Variants in ATP6V1H observed in about 807,000 individuals in gnomAD.
ATP6V1H encodes the protein V-type proton ATPase subunit H.
ATP6V1H carries 39 observed loss-of-function variants against 71.7 expected under a neutral mutation model. The observed-to-expected ratio is 0.54, with a 90% CI of 0.42 to 0.71. The LOEUF (loss-of-function observed/expected upper bound fraction) is 0.71, where lower values mean the gene tolerates loss of function less well. ATP6V1H is among the 30% of genes least tolerant of loss of function. The pLI, the probability that ATP6V1H is intolerant of heterozygous loss-of-function variation, is 0.00. For missense variants in ATP6V1H, 509 were observed against 594.9 expected (o/e 0.86, Z 1.50); for synonymous variants, 192 against 199.3 (o/e 0.96, Z 0.31).
chr8:53,741,243 ATCTG>A (rs1047295444), intron 13 of ATP6V1H, among the ~76,000 whole-genome samples: 2 of 152,212 alleles, frequency 1.3e-5, no homozygotes, highest in Non-Finnish European at 2.9e-5. Flanking sequence ...ATACATGATC[ATCTG>A]AACAACAAAA....
At chr8:53,821,488 C>A (rs77048508) in intron 4 of ATP6V1H, among the ~76,000 whole-genome samples, 8,751 of 152,132 alleles carry the variant, frequency 0.058, 757 homozygotes, top group African/African-American at 0.19. Context: ...CGAGACCAGC[C>A]TGGGCAACAT....
chr8:53,767,101 C>T (rs370200162), intron 11 of ATP6V1H, among the ~76,000 whole-genome samples: 171 of 152,278 alleles, frequency 1.1e-3, no homozygotes, highest in African/African-American at 3.7e-3. Context: ...AAATTTCTCT[C>T]TTTTGTACTC....
At position 53,812,663 on chromosome 8, in the gene ATP6V1H, C is replaced by T. The variant is rs558046485; in HGVS notation, c.526-1446G>A. On this transcript the variant is annotated intron_variant, in intron 6 of 13. Transcript: ENST00000359530. ...TATTACCACTATACCTGAAAGCTAA[C>T]ATTACCCAGAATGAAGTTTTGTTTT... is the stretch of plus-strand genomic sequence containing the variant. 1.2e-4 allele frequency among the ~76,000 whole-genome samples: 19 copies of T among 152,296 alleles called. No homozygotes were observed. The South Asian group carries it at 3.7e-3, about 30-fold the overall frequency.
intron 13 of ATP6V1H, among the ~76,000 whole-genome samples, chr8:53,741,410 AAAT>A (rs1283191836): frequency 1.3e-5 from 2 of 152,226 alleles, no homozygotes; most frequent in Non-Finnish European, 2.9e-5. Flanking sequence ...TACGCTAATA[AAAT>A]AATAACTGTA....
intron 3 of ATP6V1H, among the ~76,000 whole-genome samples, chr8:53,831,121 T>C (rs554044104): frequency 6.6e-6 from 1 of 152,262 alleles, no homozygotes; most frequent in Non-Finnish European, 1.5e-5. Flanking sequence ...TATAAACACT[T>C]CCATAGAAAA....
intron 13 of ATP6V1H, among the ~76,000 whole-genome samples, chr8:53,720,989 T>G (rs1806591193): frequency 6.6e-6 from 1 of 152,248 alleles, no homozygotes; most frequent in Admixed American, 6.5e-5. Flanking sequence ...TTACGTTTCT[T>G]AATCTTTACC....
At chr8:53,801,343 A>C (rs1441190906) in intron 8 of ATP6V1H, among the ~76,000 whole-genome samples, 1 of 152,214 alleles carries the variant, frequency 6.6e-6, no homozygotes, top group African/African-American at 2.4e-5. Context: ...ATTGTTTTGG[A>C]GGTTTTCAGG....
chr8:53,780,533 C>CT (rs930999532), intron 9 of ATP6V1H, among the ~76,000 whole-genome samples: 2 of 150,830 alleles, frequency 1.3e-5, no homozygotes, highest in Non-Finnish European at 3.0e-5. Flanking sequence ...ATTTTTTTTT[C>CT]TTTTTTTTAA....
In ATP6V1H at chr8:53,755,720, ATATATATATATATATATATATATATTTT is replaced by A. The variant is rs1563451149; in HGVS notation, c.1277+807_1277+834del. ...TATATATATATATATATATATATAT[ATATATATATATATATATATATATATTTT>A]TTTTTTTTTTTTTTTTTTTTTTTTT... On this transcript the variant is annotated intron_variant, in intron 12 of 13. Transcript: ENST00000359530. Among the ~76,000 whole-genome samples, 38 of 5,410 alleles carry A rather than the reference ATATATATATATATATATATATATATTTT, an allele frequency of 7.0e-3. 1 individual carries two copies. Among genetic ancestry groups the A allele is most frequent in the African/African-American group, 0.036 (35 of 968 alleles). 3.5% of individuals were successfully genotyped at this position (5,410 alleles called of 152,430 possible).
chr8:53,805,377 G>A (rs1325897350), intron 7 of ATP6V1H, among the ~76,000 whole-genome samples: 1 of 152,154 alleles, frequency 6.6e-6, no homozygotes. Context: ...ATGAAAAGAT[G>A]CTGATCAAAG....
At chr8:53,749,603 C>A (rs183887556) in intron 12 of ATP6V1H, among the ~76,000 whole-genome samples, 1 of 152,054 alleles carries the variant, frequency 6.6e-6, no homozygotes, top group Non-Finnish European at 1.5e-5. Context: ...TTTTAGGCCA[C>A]GGGCAGGTGG....
rs139807400 is a variant in ATP6V1H, at chr8:53,795,742, G to A, written c.775C>T (p.His259Tyr). ...GGAATGATATTATAGCGCCGCAGGT[G>A]TTCACACATTTGAGGACTGAATGCC... ...LLAFSPQMCE[H>Y]LRRYNIIPVL... The change falls in exon 9 of 14, where the codon CAC (histidine) becomes TAC (tyrosine). Residue 259 changes from histidine (H) to tyrosine (Y), a missense_variant. Coordinates refer to ENST00000359530, the MANE Select transcript of ATP6V1H (RefSeq NM_015941.4). 7.4e-6 allele frequency: 12 copies of A among 1,613,770 alleles called. No homozygotes were observed. The Admixed American group carries it at 1.5e-4, about 20-fold the overall frequency.
At chr8:53,840,977 T>C (rs1811325092) in intron 2 of ATP6V1H, among the ~76,000 whole-genome samples, 1 of 152,236 alleles carries the variant, frequency 6.6e-6, no homozygotes, top group African/African-American at 2.4e-5. Flanking sequence ...CTAAAATGTA[T>C]TGTATTCAAC....
At chr8:53,817,644 T>C (rs1485205881) in intron 4 of ATP6V1H, 114 bp from the exon 5 acceptor site, 2 of 623,846 alleles carry the variant, frequency 3.2e-6, no homozygotes, top group Non-Finnish European at 5.5e-6. Flanking sequence ...TCAGTGTGTG[T>C]GTATGTGTGA....
Position 53,795,732 on chromosome 8 carries a change from C to T in ATP6V1H, c.785G>A (p.Arg262His), listed in dbSNP as rs200328593. Residue 262 changes from arginine to histidine, a missense_variant, in exon 9 of 14, where the codon CGC becomes CAC. By Grantham distance (29) the Arg-to-His change is conservative (BLOSUM62 0). Around this residue, in one of 2 missense-constraint regions of ATP6V1H, gnomAD observed 212 missense variants for 291.6 expected, o/e 0.73. Transcript: ENST00000359530. The stretch of plus-strand genomic sequence containing the variant: ...AGACAGAACTGGAATGATATTATAG[C>T]GCCGCAGGTGTTCACACATTTGAGG... ...FSPQMCEHLR[R>H]YNIIPVLSDI... is the part of the protein sequence containing the mutation. 6.8e-5 allele frequency: 110 copies of T among 1,613,846 alleles called. 1 individual carries two copies. Among genetic ancestry groups the T allele is most frequent in the Middle Eastern group, 4.9e-4 (3 of 6,084 alleles).
chr8:53,755,725 TATATATATATATATATA>T (rs1808019131), intron 12 of ATP6V1H, among the ~76,000 whole-genome samples: 4 of 7,904 alleles, frequency 5.1e-4, no homozygotes, highest in Non-Finnish European at 6.7e-4. Context: ...TATATATATA[TATATATATATATATATA>T]TATTTTTTTT....
chr8:53,797,327 A>G (rs1585798694), intron 8 of ATP6V1H, among the ~76,000 whole-genome samples: 1 of 152,140 alleles, frequency 6.6e-6, no homozygotes, highest in African/African-American at 2.4e-5. Flanking sequence ...CACTCCTTCA[A>G]CCCGGCAGCA....
In ATP6V1H at chr8:53,724,111, T is replaced by C. The variant is rs138759800; in HGVS notation, c.1392-8087A>G. ...TAAAACAAAAATCCTGGGCAATGCC[T>C]ATGCCATCCGAATTATCAAATATTA... is the stretch of plus-strand genomic sequence containing the variant. On this transcript the variant is annotated intron_variant, in intron 13 of 13. Transcript: ENST00000359530. Among the ~76,000 whole-genome samples, 1,333 of 152,312 alleles carry C rather than the reference T, an allele frequency of 8.8e-3. 3 individuals carry two copies. The highest frequency in any genetic ancestry group is 0.016 in the African/African-American group (647 of 41,576).
intron 2 of ATP6V1H, among the ~76,000 whole-genome samples, chr8:53,838,087 A>C (rs1811218705): frequency 6.7e-6 from 1 of 149,032 alleles, no homozygotes; most frequent in Non-Finnish European, 1.5e-5. Context: ...TTCCTAGATA[A>C]CTCCAGGTGT....
Sources: allele counts gnomAD v4.1 joint callset (sites outside exome capture counted in the v4.1 genomes callset), GRCh38; gene constraint gnomAD v4.1.1; regional missense constraint gnomAD v4.1.1; transcripts MANE v1.5; gene names NCBI Gene and HGNC (gene_info 2026-07-23, HGNC 2026-07-21).